ZNF469: variants seen among roughly 807,000 people sequenced by gnomAD.
ZNF469 encodes the protein zinc finger protein 469.
In ZNF469, 1 loss-of-function variant was observed where a neutral mutation model predicts 1.0. The ratio of observed to expected loss-of-function variants is 1.00; its 90% CI spans 0.35 to 4.73. The LOEUF (loss-of-function observed/expected upper bound fraction) is 4.73. Ranked by LOEUF, ZNF469 falls within the 30% of genes most tolerant of loss-of-function variation. The pLI, the probability that ZNF469 is intolerant of heterozygous loss-of-function variation, is 0.16. For missense variants in ZNF469, 6,100 were observed against 5,356.3 expected (o/e 1.14, Z -4.33); for synonymous variants, 2,703 against 2,363.4 (o/e 1.14, Z -4.17).
the ZNF469 span, among the ~76,000 whole-genome samples, chr16:88,202,666 C>T: frequency 7.9e-5 from 12 of 152,156 alleles, no homozygotes; most frequent in African/African-American, 2.9e-4. Flanking sequence ...CCTTAGGAAA[C>T]GTTGTGTCTG....
chr16:88,373,005 C>A, the ZNF469 span, among the ~76,000 whole-genome samples: 90 of 152,338 alleles, frequency 5.9e-4, 1 homozygote, highest in African/African-American at 2.0e-3. Flanking sequence ...TCCATCATTA[C>A]CATCTTCACC....
At chr16:88,384,118 G>C (rs2092532172) in intron 1 of ZNF469, among the ~76,000 whole-genome samples, 1 of 152,260 alleles carries the variant, frequency 6.6e-6, no homozygotes, top group African/African-American at 2.4e-5. Context: ...GCCATGCTGG[G>C]CATAGGGAGT....
chr16:88,281,374 C>T, the ZNF469 span, among the ~76,000 whole-genome samples: 3 of 147,700 alleles, frequency 2.0e-5, no homozygotes, highest in African/African-American at 7.6e-5. Context: ...CAGTCAGTAC[C>T]ATGTAGATAT....
the ZNF469 span, among the ~76,000 whole-genome samples, chr16:88,249,603 A>T: frequency 6.6e-6 from 1 of 151,442 alleles, no homozygotes; most frequent in African/African-American, 2.4e-5. Context: ...CGCCGGGCCA[A>T]TTTTTTATAT....
chr16:88,421,705 C>T (rs1242317475), intron 1 of ZNF469, among the ~76,000 whole-genome samples: 10 of 152,202 alleles, frequency 6.6e-5, no homozygotes, highest in Admixed American at 6.5e-4. Flanking sequence ...GGTGTGGAGG[C>T]AGTGGGGTGG....
At chr16:88,312,661 GTTT>G in the ZNF469 span, among the ~76,000 whole-genome samples, 1 of 152,010 alleles carries the variant, frequency 6.6e-6, no homozygotes, top group East Asian at 1.9e-4. Flanking sequence ...TAGTGCTTTT[GTTT>G]TTTTGCCCTT....
At position 88,430,911 on chromosome 16, in the gene ZNF469, C is replaced by G; in HGVS notation, c.3441C>G (p.Gly1147=). Residue 1147 remains glycine (G), a synonymous_variant, in exon 3 of 3, where the codon GGC becomes GGG. Transcript: ENST00000565624. ...KPRKAARQEA[G]GDGAPANPEE... is the part of the protein sequence containing the mutation. ...GGAAGGCGGCGAGGCAGGAAGCCGG[C>G]GGGGACGGAGCCCCCGCGAACCCCG... 4 of 1,537,108 alleles carry G rather than the reference C, an allele frequency of 2.6e-6. No individual in the cohort carries two copies. Among genetic ancestry groups the G allele is most frequent in the Non-Finnish European group, 3.5e-6 (4 of 1,145,780 alleles).
the ZNF469 span, among the ~76,000 whole-genome samples, chr16:88,201,414 G>T: frequency 4.6e-5 from 7 of 152,236 alleles, 1 homozygote; most frequent in South Asian, 1.5e-3. This position sits in a 1 kb window ranked among gnomAD's most constrained non-coding sequence, Gnocchi z 5.0. Flanking sequence ...AATTAGCCGG[G>T]CGTGGTGGTA....
chr16:88,372,226 A>G, the ZNF469 span, among the ~76,000 whole-genome samples: 2 of 960 alleles, frequency 2.1e-3, no homozygotes, highest in African/African-American at 3.3e-3. Flanking sequence ...CATCACCACT[A>G]TCATCACCAT....
At chr16:88,231,974 C>G in the ZNF469 span, among the ~76,000 whole-genome samples, 1 of 152,144 alleles carries the variant, frequency 6.6e-6, no homozygotes, top group Non-Finnish European at 1.5e-5. This position sits in a 1 kb window ranked among gnomAD's most constrained non-coding sequence, Gnocchi z 4.5. Context: ...AATGAACACC[C>G]GGCCCCAATC....
chr16:88,394,715 T>A (rs1904605144), intron 1 of ZNF469, among the ~76,000 whole-genome samples: 1 of 152,160 alleles, frequency 6.6e-6, no homozygotes, highest in African/African-American at 2.4e-5. Context: ...CATCCAGGTG[T>A]TCAGAGAGTG....
chr16:88,315,186 C>T, the ZNF469 span, among the ~76,000 whole-genome samples: 1 of 152,232 alleles, frequency 6.6e-6, no homozygotes, highest in African/African-American at 2.4e-5. Flanking sequence ...GGCTCCAGGG[C>T]AAGTCACCTA....
intron 1 of ZNF469, among the ~76,000 whole-genome samples, chr16:88,406,250 G>A (rs1226656947): frequency 6.6e-6 from 1 of 152,212 alleles, no homozygotes; most frequent in East Asian, 1.9e-4. Flanking sequence ...GTGTCTCAGG[G>A]TGGCCGTGTA....
At chr16:88,261,691 AG>A in the ZNF469 span, among the ~76,000 whole-genome samples, 1 of 152,008 alleles carries the variant, frequency 6.6e-6, no homozygotes, top group Non-Finnish European at 1.5e-5. This position sits in a 1 kb window ranked among gnomAD's most constrained non-coding sequence, Gnocchi z 6.0. Context: ...CTCCTCCCCC[AG>A]CCCTACCACA....
the ZNF469 span, among the ~76,000 whole-genome samples, chr16:88,325,265 C>CGACAGCAGCTGCGACA: frequency 4.3e-5 from 6 of 139,008 alleles, no homozygotes; most frequent in African/African-American, 1.3e-4. Context: ...CAGGTGGTCC[C>CGACAGCAGCTGCGACA]TACAGGCTCC....
At position 88,436,443 on chromosome 16, in the gene ZNF469, C is replaced by T. The variant is rs1263148651; in HGVS notation, c.8973C>T (p.His2991=). 2.0e-5 allele frequency: 31 copies of T among 1,548,282 alleles called. No homozygotes were observed. Among genetic ancestry groups the T allele is most frequent in the Non-Finnish European group, 2.7e-5 (31 of 1,146,976 alleles). Residue 2991 remains histidine (H), a synonymous_variant, in exon 3 of 3, where the codon CAC becomes CAT. Coordinates refer to ENST00000565624, the MANE Select transcript of ZNF469 (RefSeq NM_001367624.2). ...GGCCGGAGGCCATTCCTGAGCTGCA[C>T]ATGGTCCCAGCGGCTTGGCGAGGCC... The part of the protein sequence containing the change: ...DDRPEAIPEL[H]MVPAAWRGLE...
the ZNF469 span, among the ~76,000 whole-genome samples, chr16:88,113,108 G>A: frequency 6.6e-6 from 1 of 152,168 alleles, no homozygotes; most frequent in Non-Finnish European, 1.5e-5. Context: ...GCTCGAGGTG[G>A]CCCCATTTGC....
At chr16:88,388,906 C>T (rs913831793) in intron 1 of ZNF469, among the ~76,000 whole-genome samples, 3 of 152,260 alleles carry the variant, frequency 2.0e-5, no homozygotes, top group Non-Finnish European at 2.9e-5. Context: ...GGGCCAGTCT[C>T]CATACTGGAG....
chr16:88,111,858 A>G, the ZNF469 span, among the ~76,000 whole-genome samples: 2 of 152,112 alleles, frequency 1.3e-5, no homozygotes, highest in African/African-American at 4.8e-5. Flanking sequence ...GCTGGTCTCG[A>G]TCTACTGACC....
Sources: allele counts gnomAD v4.1 joint callset (sites outside exome capture counted in the v4.1 genomes callset), GRCh38; gene constraint gnomAD v4.1.1; non-coding constraint Gnocchi (gnomAD v3.1); transcripts MANE v1.5; gene names NCBI Gene and HGNC (gene_info 2026-07-23, HGNC 2026-07-21).